The following MIPOL1 variants were observed in gnomAD, a reference collection of about 807,000 sequenced individuals.
MIPOL1 encodes the protein mirror-image polydactyly 1, also known as mirror-image polydactyly gene 1 protein.
A neutral mutation model predicts 60.9 loss-of-function variants in MIPOL1; 57 were observed. That is an observed-to-expected ratio of 0.94 (90% CI 0.76 to 1.17). MIPOL1 has a LOEUF of 1.17. MIPOL1 is among the 50% of genes most tolerant of loss of function. The pLI, the probability that MIPOL1 is intolerant of heterozygous loss-of-function variation, is 0.00. For synonymous variants in MIPOL1, 179 were observed against 168.8 expected, an observed-to-expected ratio of 1.06 and a Z score of -0.47; for missense variants, 551 against 511.6, an observed-to-expected ratio of 1.08 and a Z score of -0.74.
At chr14:37,393,907 C>A (rs905191907) in intron 10 of MIPOL1, among the ~76,000 whole-genome samples, 2 of 149,266 alleles carry the variant, frequency 1.3e-5, no homozygotes, top group Admixed American at 6.7e-5. Flanking sequence ...CCTTTGTGTT[C>A]TCATAGCTTA....
At chr14:37,238,821 G>A (rs908674245) in intron 1 of MIPOL1, among the ~76,000 whole-genome samples, 1 of 151,498 alleles carries the variant, frequency 6.6e-6, no homozygotes, top group African/African-American at 2.4e-5. Flanking sequence ...GGGTGTGACG[G>A]CTCATACCAG....
At chr14:37,453,015 G>A (rs909069558) in intron 11 of MIPOL1, among the ~76,000 whole-genome samples, 1 of 152,112 alleles carries the variant, frequency 6.6e-6, no homozygotes, top group Non-Finnish European at 1.5e-5. Context: ...CAGCAGTAAT[G>A]GATTGGAAAA....
intron 7 of MIPOL1, among the ~76,000 whole-genome samples, chr14:37,303,944 C>G (rs930456468): frequency 2.6e-5 from 4 of 151,640 alleles, no homozygotes; most frequent in African/African-American, 7.3e-5. Flanking sequence ...ACATACCAAG[C>G]AAGAAAAGCA....
Position 37,360,014 on chromosome 14 carries a change from G to A in MIPOL1, c.829-9503G>A, listed in dbSNP as rs183062754. On this transcript the variant is annotated intron_variant, in intron 9 of 12. Coordinates refer to ENST00000684589, the MANE Select transcript of MIPOL1 (RefSeq NM_001388067.1). ...GTTCCATCAATGTCTAGTTCATTGT[G>A]AGTTTTTAGCATGAAGGGCTGTTGA... Among the ~76,000 whole-genome samples the A allele has an allele frequency of 2.6e-5, 4 of 152,214 alleles. No homozygotes were observed. In the East Asian group the frequency reaches 7.7e-4, roughly 29 times the overall value.
At chr14:37,347,038 C>T (rs1217281762) in intron 9 of MIPOL1, among the ~76,000 whole-genome samples, 4 of 152,064 alleles carry the variant, frequency 2.6e-5, no homozygotes, top group South Asian at 2.1e-4. Flanking sequence ...AACTTTAGGT[C>T]GTCCAGCAGC....
intron 7 of MIPOL1, among the ~76,000 whole-genome samples, chr14:37,293,329 G>A (rs2085280651): frequency 6.6e-6 from 1 of 152,036 alleles, no homozygotes; most frequent in Non-Finnish European, 1.5e-5. Flanking sequence ...ATTACTACAT[G>A]GAGCCAAGAG....
intron 9 of MIPOL1, among the ~76,000 whole-genome samples, chr14:37,367,806 T>G (rs1202163499): frequency 6.6e-6 from 1 of 152,092 alleles, no homozygotes; most frequent in Non-Finnish European, 1.5e-5. Context: ...ATATCTCTAC[T>G]GTATCGTGAG....
intron 12 of MIPOL1, among the ~76,000 whole-genome samples, chr14:37,518,625 G>GC (rs2095389062): frequency 6.6e-6 from 1 of 152,134 alleles, no homozygotes; most frequent in Non-Finnish European, 1.5e-5. Context: ...ATGAGCCACC[G>GC]CAACTGGCGT....
chr14:37,322,212 T>A (rs974535884), intron 9 of MIPOL1, among the ~76,000 whole-genome samples: 8 of 152,090 alleles, frequency 5.3e-5, no homozygotes, highest in Non-Finnish European at 1.5e-5. Context: ...TTATGCACAT[T>A]GAAATATAGA....
chr14:37,267,174 G>A lies in MIPOL1; in HGVS notation c.251+5G>A, dbSNP rs369825894. ...CTGCACTACTGAAAAATACAAGTAAGTGCTCACAGCCTTAGATTTAGAAGG... is the reference window on the plus strand; with the variant it reads ...CTGCACTACTGAAAAATACAAGTAAATGCTCACAGCCTTAGATTTAGAAGG... On this transcript the variant is annotated splice_donor_5th_base_variant and intron_variant, in intron 4 of 12. Coordinates refer to ENST00000684589, the MANE Select transcript of MIPOL1 (RefSeq NM_001388067.1). The A allele has an allele frequency of 8.1e-6, 13 of 1,603,320 alleles. No homozygotes were observed. Among genetic ancestry groups the A allele is most frequent in the East Asian group, 4.5e-5 (2 of 44,656 alleles).
chr14:37,379,384 A>C lies in MIPOL1; in HGVS notation c.936+9760A>C, dbSNP rs967649340. ...TCCTAGAAGAAAAAACATAACTGCAAATTTTTGCGTCCTTCAGTTAGGCAA... is the reference window on the plus strand; with the variant it reads ...TCCTAGAAGAAAAAACATAACTGCACATTTTTGCGTCCTTCAGTTAGGCAA... On this transcript the variant is annotated intron_variant, in intron 10 of 12. Transcript: ENST00000684589. Among the ~76,000 whole-genome samples the C allele has an allele frequency of 3.3e-5, 5 of 152,050 alleles. No individual in the cohort carries two copies. The East Asian group carries it at 9.7e-4, about 29-fold the overall frequency.
chr14:37,521,915 TTTTTTC>T (rs2095416830), intron 12 of MIPOL1, among the ~76,000 whole-genome samples: 1 of 147,592 alleles, frequency 6.8e-6, no homozygotes, highest in Admixed American at 6.8e-5. Context: ...TATATATTTT[TTTTTTC>T]TTTGGCTTCA....
At chr14:37,412,041 A>T (rs1339898948) in intron 10 of MIPOL1, among the ~76,000 whole-genome samples, 1 of 152,132 alleles carries the variant, frequency 6.6e-6, no homozygotes. Context: ...ATTTAGGTTC[A>T]GAAGCCTTAA....
intron 1 of MIPOL1, among the ~76,000 whole-genome samples, chr14:37,205,501 G>C (rs1965938935): frequency 6.6e-6 from 1 of 151,808 alleles, no homozygotes; most frequent in African/African-American, 2.4e-5. Flanking sequence ...AAGTTCTAGG[G>C]TACATGTACA....
chr14:37,543,694 T>A (rs1400718039), intron 12 of MIPOL1, among the ~76,000 whole-genome samples: 1 of 152,230 alleles, frequency 6.6e-6, no homozygotes, highest in African/African-American at 2.4e-5. Context: ...ATTAGGATAT[T>A]TTTTAAATAA....
At chr14:37,515,661 C>T (rs981792188) in intron 12 of MIPOL1, among the ~76,000 whole-genome samples, 1 of 152,176 alleles carries the variant, frequency 6.6e-6, no homozygotes, top group Non-Finnish European at 1.5e-5. Context: ...AATCTGCCTT[C>T]TTAGCTAAGT....
chr14:37,360,905 G>T (rs1186531000), intron 9 of MIPOL1, among the ~76,000 whole-genome samples: 1 of 152,084 alleles, frequency 6.6e-6, no homozygotes, highest in Non-Finnish European at 1.5e-5. Context: ...TTTTAATTGT[G>T]ATGGTAGGAT....
chr14:37,250,703 G>A (rs893845482), intron 3 of MIPOL1, among the ~76,000 whole-genome samples: 14 of 152,172 alleles, frequency 9.2e-5, no homozygotes, highest in African/African-American at 2.4e-4. Flanking sequence ...GCTTCAAAGC[G>A]CTATCTTACA....
At chr14:37,510,076 ATATG>A (rs1241439421) in intron 12 of MIPOL1, among the ~76,000 whole-genome samples, 2 of 151,994 alleles carry the variant, frequency 1.3e-5, no homozygotes, top group East Asian at 1.9e-4. Flanking sequence ...CATATAGACT[ATATG>A]TATGTGTAAA....
Sources: gnomAD v4.1 joint callset for allele counts (sites outside exome capture counted in the v4.1 genomes callset) on GRCh38, gnomAD v4.1.1 for gene constraint, MANE v1.5 for transcripts, NCBI Gene and HGNC (gene_info 2026-07-23, HGNC 2026-07-21) for gene names.